The following KCND2 variants were observed in gnomAD, a reference collection of about 807,000 sequenced individuals.
KCND2 encodes A-type voltage-gated potassium channel KCND2.
Under a neutral mutation model 54.4 loss-of-function variants are expected in KCND2, and 16 were observed. That is an observed-to-expected ratio of 0.29 (90% CI 0.20 to 0.45). KCND2 has a LOEUF of 0.45. Among genes scored for constraint, KCND2 ranks in the 20% least tolerant of loss-of-function variants. KCND2 has a pLI of 1.00. For missense variants in KCND2, 486 were observed against 824.2 expected, an observed-to-expected ratio of 0.59 and a Z score of 5.02; for synonymous variants, 317 against 310.7, an observed-to-expected ratio of 1.02 and a Z score of -0.21.
chr7:120,412,535 G>A (rs1402919256), intron 1 of KCND2, among the ~76,000 whole-genome samples: 1 of 151,606 alleles, frequency 6.6e-6, no homozygotes, highest in Admixed American at 6.6e-5. Flanking sequence ...TATTACATCA[G>A]TCCTCTTGTT....
rs796918192 is a variant in KCND2 at position 120,651,055 on chromosome 7, T to G, written c.1116-81848T>G. Among the ~76,000 whole-genome samples, 172 of 143,424 alleles carry G rather than the reference T, an allele frequency of 1.2e-3. 28 individuals are homozygous for G. Among genetic ancestry groups the G allele is most frequent in the Middle Eastern group, 6.8e-3 (2 of 292 alleles). The allele number at this position is 143,424 out of a possible 152,430, so 94.1% of individuals were successfully genotyped here. ...GGGGGTGCCTCCCAGTTAGGCTACT[T>G]GGGTGTCAGGGACCCAGTTGAGGAG... On this transcript the variant is annotated intron_variant, in intron 1 of 5. Transcript: ENST00000331113.
intron 1 of KCND2, among the ~76,000 whole-genome samples, chr7:120,410,174 A>T (rs907815870): frequency 4.6e-5 from 7 of 151,914 alleles, no homozygotes; most frequent in African/African-American, 1.7e-4. Context: ...TACATTTGCC[A>T]TTTGTTGAAA....
intron 1 of KCND2, among the ~76,000 whole-genome samples, chr7:120,718,794 A>G (rs2116096670): frequency 6.6e-6 from 1 of 152,332 alleles, no homozygotes; most frequent in African/African-American, 2.4e-5. Context: ...TGAATAGCAG[A>G]GACATAAATG....
intron 1 of KCND2, among the ~76,000 whole-genome samples, chr7:120,557,085 T>C (rs1157769145): frequency 1.3e-5 from 2 of 152,146 alleles, no homozygotes; most frequent in Non-Finnish European, 1.5e-5. Context: ...CTTACTCTAA[T>C]CAATGAGAAA....
chr7:120,493,784 C>T (rs933659757), intron 1 of KCND2, among the ~76,000 whole-genome samples: 3 of 152,058 alleles, frequency 2.0e-5, no homozygotes, highest in Non-Finnish European at 4.4e-5. Flanking sequence ...AAACTGGTAC[C>T]ACCACTTTTG....
intron 1 of KCND2, chr7:120,463,970 A>G: frequency 1.4e-6 from 1 of 728,078 alleles, no homozygotes; most frequent in Non-Finnish European, 1.7e-6. Flanking sequence ...TGAATAGTAG[A>G]ATACCCTGAC....
chr7:120,299,029 A>G (rs1192590652), intron 1 of KCND2, among the ~76,000 whole-genome samples: 1 of 152,126 alleles, frequency 6.6e-6, no homozygotes, highest in Admixed American at 6.6e-5. Context: ...GGGCAGTGGC[A>G]GATGCCTGTA....
chr7:120,570,995 A>T (rs1358369), intron 1 of KCND2, among the ~76,000 whole-genome samples: 125,837 of 152,038 alleles, frequency 0.83, 52,604 homozygotes, highest in Middle Eastern at 0.93. Flanking sequence ...ATATGAGGAG[A>T]CCCTGCACGC....
intron 1 of KCND2, among the ~76,000 whole-genome samples, chr7:120,623,520 G>T (rs1210301087): frequency 6.6e-6 from 1 of 152,164 alleles, no homozygotes; most frequent in Non-Finnish European, 1.5e-5. Context: ...GCTACCATAA[G>T]ATTTGATTTT....
At chr7:120,384,089 C>T (rs1468102112) in intron 1 of KCND2, among the ~76,000 whole-genome samples, 2 of 152,158 alleles carry the variant, frequency 1.3e-5, no homozygotes, top group East Asian at 3.9e-4. Context: ...CCCATCCTCC[C>T]ATAATCATCT....
At chr7:120,456,029 C>A (rs1209940872) in intron 1 of KCND2, among the ~76,000 whole-genome samples, 1 of 152,054 alleles carries the variant, frequency 6.6e-6, no homozygotes, top group Non-Finnish European at 1.5e-5. Context: ...TTATTATTAT[C>A]TATTATTGTT....
At chr7:120,367,738 G>A (rs1001753114) in intron 1 of KCND2, among the ~76,000 whole-genome samples, 2 of 151,852 alleles carry the variant, frequency 1.3e-5, no homozygotes, top group African/African-American at 2.4e-5. Flanking sequence ...AAGAAAGCCA[G>A]GAGATTCAGC....
At chr7:120,387,605 A>G (rs1205664919) in intron 1 of KCND2, among the ~76,000 whole-genome samples, 1 of 152,028 alleles carries the variant, frequency 6.6e-6, no homozygotes, top group African/African-American at 2.4e-5. Context: ...TGTATTTTAT[A>G]AATTGGTTAG....
At chr7:120,623,772 T>C (rs996926872) in intron 1 of KCND2, among the ~76,000 whole-genome samples, 3 of 152,162 alleles carry the variant, frequency 2.0e-5, no homozygotes, top group African/African-American at 7.2e-5. Context: ...ATAGAAAGCA[T>C]TGTGGTATAA....
intron 1 of KCND2, among the ~76,000 whole-genome samples, chr7:120,357,817 C>T (rs1800527658): frequency 6.6e-6 from 1 of 152,064 alleles, no homozygotes; most frequent in Non-Finnish European, 1.5e-5. Flanking sequence ...TCTGTCTCCT[C>T]TTATAAGGAT....
intron 2 of KCND2, among the ~76,000 whole-genome samples, chr7:120,733,513 C>T (rs1164088102): frequency 2.6e-5 from 4 of 152,084 alleles, no homozygotes; most frequent in African/African-American, 4.8e-5. Flanking sequence ...AAATATTTGA[C>T]GAACAGCACT....
At chr7:120,348,133 G>A (rs938415817) in intron 1 of KCND2, among the ~76,000 whole-genome samples, 1 of 152,160 alleles carries the variant, frequency 6.6e-6, no homozygotes, top group Non-Finnish European at 1.5e-5. Flanking sequence ...CAAACATTCA[G>A]TCCATTGCAG....
intron 1 of KCND2, among the ~76,000 whole-genome samples, chr7:120,727,998 G>T (rs183374461): frequency 6.6e-5 from 10 of 151,672 alleles, no homozygotes; most frequent in Middle Eastern, 3.4e-3. Flanking sequence ...GCTGGGTGTG[G>T]TGGCATGTGC....
chr7:120,565,821 A>G (rs2116417832), intron 1 of KCND2, among the ~76,000 whole-genome samples: 1 of 152,352 alleles, frequency 6.6e-6, no homozygotes, highest in East Asian at 1.9e-4. Context: ...CTTGGGAAAT[A>G]CAAGTATGAA....
Sources: allele counts gnomAD v4.1 joint callset (sites outside exome capture counted in the v4.1 genomes callset), GRCh38; gene constraint gnomAD v4.1.1; transcripts MANE v1.5; gene names NCBI Gene and HGNC (gene_info 2026-07-23, HGNC 2026-07-21).